CHL1: variants seen among roughly 807,000 people sequenced by gnomAD.
CHL1 encodes the protein cell adhesion molecule L1 like, also known as neural cell adhesion molecule L1-like protein.
Under a neutral mutation model 141.9 loss-of-function variants are expected in CHL1, and 96 were observed. The ratio of observed to expected loss-of-function variants is 0.68; its 90% CI spans 0.57 to 0.80. The LOEUF is 0.80. Among genes scored for constraint, CHL1 ranks in the 30% least tolerant of loss-of-function variants. The pLI is 0.00. For synonymous variants in CHL1, 613 were observed against 502.2 expected (o/e 1.22, Z -2.95); for missense variants, 1,820 against 1,457.2 (o/e 1.25, Z -4.05).
At chr3:209,038 A>G (rs570470742) in intron 1 of CHL1, among the ~76,000 whole-genome samples, 1 of 152,346 alleles carries the variant, frequency 6.6e-6, no homozygotes, top group South Asian at 2.1e-4. Context: ...GACTATAATG[A>G]GATGTCTCAG....
chr3:236,172 AGC>A (rs1691962054), intron 1 of CHL1, among the ~76,000 whole-genome samples: 1 of 152,190 alleles, frequency 6.6e-6, no homozygotes, highest in Non-Finnish European at 1.5e-5. Flanking sequence ...AATTGGCTAT[AGC>A]TGGTTTCCCA....
chr3:341,803 G>A, intron 6 of CHL1, 109 bp from the exon 7 acceptor site: 1 of 950,154 alleles, frequency 1.1e-6, no homozygotes, highest in South Asian at 2.4e-5. Context: ...GAATTAAAGA[G>A]CAAACAGGAA....
rs375944329 is a variant in CHL1 at position 205,458 on chromosome 3, T to C, written c.-175+8395T>C. Reference sequence around the variant, plus strand: ...GAAAAGAGCAACATTGTATAACTGATAGTGAATTGTTTTTTAAGGAAATCT... The same window carrying C: ...GAAAAGAGCAACATTGTATAACTGACAGTGAATTGTTTTTTAAGGAAATCT... On this transcript the variant is annotated intron_variant, in intron 1 of 27. Coordinates refer to ENST00000256509, the MANE Select transcript of CHL1 (RefSeq NM_006614.4). 3.9e-4 allele frequency among the ~76,000 whole-genome samples: 59 copies of C among 152,262 alleles called. 1 individual carries two copies. Among genetic ancestry groups the C allele is most frequent in the Middle Eastern group, 3.4e-3 (1 of 294 alleles).
In CHL1 at chr3:390,716, C is replaced by A; in HGVS notation, c.2486C>A (p.Pro829Gln). 1 of 1,589,294 alleles carries A rather than the reference C, an allele frequency of 6.3e-7. No individual in the cohort carries two copies. Among genetic ancestry groups the A allele is most frequent in the Non-Finnish European group, 8.6e-7 (1 of 1,157,426 alleles). The change falls in exon 21 of 28, where the codon CCA becomes CAA. Residue 829 changes from proline (P) to glutamine (Q), a missense_variant. By Grantham distance (76) the Pro-to-Gln change is moderately conservative (BLOSUM62 -1). Coordinates refer to ENST00000256509, the MANE Select transcript of CHL1 (RefSeq NM_006614.4). ...TGATTAACAGATCCTGATACAGCTC[C>A]AGTGATCCATGGGGTGGACGTTATA... ...YSGEDYPDTA[P>Q]VIHGVDVINS...
intron 2 of CHL1, among the ~76,000 whole-genome samples, chr3:279,241 C>T (rs1308596823): frequency 6.6e-6 from 1 of 152,140 alleles, no homozygotes; most frequent in Non-Finnish European, 1.5e-5. Context: ...AATGATTTCT[C>T]AATAGAGAAA....
Position 243,597 on chromosome 3 carries a change from G to A in CHL1, c.-174-1016G>A, listed in dbSNP as rs116757563. ...GGGTGGAATTCTTCTCAGTGTATTGGTGTGAGGTTCTCTCCGGAGGCATTG... is the reference window on the plus strand; with the variant it reads ...GGGTGGAATTCTTCTCAGTGTATTGATGTGAGGTTCTCTCCGGAGGCATTG... On this transcript the variant is annotated intron_variant, in intron 1 of 27. Transcript: ENST00000256509. Among the ~76,000 whole-genome samples, 700 of 152,256 alleles carry A rather than the reference G, an allele frequency of 4.6e-3. 8 individuals carry two copies. The highest frequency in any genetic ancestry group is 0.016 in the African/African-American group (664 of 41,544).
intron 15 of CHL1, among the ~76,000 whole-genome samples, chr3:367,163 C>G (rs1344934520): frequency 2.0e-5 from 3 of 152,244 alleles, no homozygotes; most frequent in Non-Finnish European, 4.4e-5. Flanking sequence ...AATGTCTACT[C>G]TCTTTTGAAA....
At chr3:316,959 C>T (rs778849882) in intron 2 of CHL1, among the ~76,000 whole-genome samples, 9 of 151,974 alleles carry the variant, frequency 5.9e-5, no homozygotes, top group Non-Finnish European at 7.4e-5. Context: ...TCCTAAGAAA[C>T]ATACCCTTTA....
At chr3:314,466 G>A (rs1700016825) in intron 2 of CHL1, among the ~76,000 whole-genome samples, 1 of 150,398 alleles carries the variant, frequency 6.6e-6, no homozygotes, top group African/African-American at 2.4e-5. Context: ...CCAAAACACT[G>A]ATTCAATAAA....
chr3:276,992 G>T (rs1696194054), intron 2 of CHL1, among the ~76,000 whole-genome samples: 1 of 149,582 alleles, frequency 6.7e-6, no homozygotes, highest in Admixed American at 6.7e-5. Flanking sequence ...CTTTTCAAAT[G>T]ACTTCTCTAT....
chr3:382,124 G>A, intron 16 of CHL1, 55 bp from the exon 17 acceptor site: 1 of 1,483,066 alleles, frequency 6.7e-7, no homozygotes, highest in Non-Finnish European at 9.4e-7. Flanking sequence ...GTCTGAGGAA[G>A]GGAATCAGGT....
At chr3:320,018 T>G in intron 3 of CHL1, 151 bp downstream of exon 3, 1 of 569,882 alleles carries the variant, frequency 1.8e-6, no homozygotes, top group Non-Finnish European at 3.0e-6. Context: ...ATCTATCTTT[T>G]TCGTTTTGTG....
intron 4 of CHL1, among the ~76,000 whole-genome samples, chr3:327,515 G>A (rs936420390): frequency 2.0e-5 from 3 of 151,762 alleles, no homozygotes; most frequent in African/African-American, 7.3e-5. Flanking sequence ...TAAGGAACTG[G>A]CATATTGAAA....
chr3:363,316 G>A lies in CHL1; in HGVS notation c.1518G>A (p.Gly506=), dbSNP rs375022202. Residue 506 remains glycine, a synonymous_variant, in exon 14 of 28, where the codon GGG becomes GGA. Coordinates refer to ENST00000256509, the MANE Select transcript of CHL1 (RefSeq NM_006614.4). ...ACAGAACCACCGAAGAAGATGCTGG[G>A]TCTTACTCATGTTGGGTAGAAAATG... is the stretch of plus-strand genomic sequence containing the variant. ...QINRTTEEDA[G]SYSCWVENAI... is the part of the protein sequence containing the mutation. 12 of 1,613,706 alleles carry A rather than the reference G, an allele frequency of 7.4e-6. No individual in the cohort carries two copies. The highest frequency in any genetic ancestry group is 2.2e-5 in the East Asian group (1 of 44,860).
At chr3:352,621 G>C (rs748645693) in intron 10 of CHL1, among the ~76,000 whole-genome samples, 1 of 152,120 alleles carries the variant, frequency 6.6e-6, no homozygotes, top group East Asian at 1.9e-4. Flanking sequence ...TAAGGCTCAA[G>C]AAGCAGCTGT....
chr3:219,548 T>G (rs574779636), intron 1 of CHL1, among the ~76,000 whole-genome samples: 1 of 152,298 alleles, frequency 6.6e-6, no homozygotes, highest in South Asian at 2.1e-4. Context: ...TGGACATGGA[T>G]GGAGCTGGAG....
chr3:365,839 C>A, intron 14 of CHL1, 111 bp from the exon 15 acceptor site: 1 of 707,246 alleles, frequency 1.4e-6, no homozygotes, highest in Non-Finnish European at 2.3e-6. Flanking sequence ...ACAAACCCTG[C>A]ATGAGGATTG....
intron 1 of CHL1, among the ~76,000 whole-genome samples, chr3:232,327 T>G (rs1042162430): frequency 8.5e-5 from 13 of 152,206 alleles, no homozygotes; most frequent in Admixed American, 4.6e-4. Flanking sequence ...TTCATTTTCA[T>G]TAACAATATT....
At chr3:319,990 T>C in intron 3 of CHL1, 123 bp downstream of exon 3, 1 of 608,070 alleles carries the variant, frequency 1.6e-6, no homozygotes, top group Non-Finnish European at 2.8e-6. Context: ...TCTTTAGCAA[T>C]CTGTCATGAG....
Sources: gnomAD v4.1 joint callset for allele counts (sites outside exome capture counted in the v4.1 genomes callset) on GRCh38, gnomAD v4.1.1 for gene constraint, MANE v1.5 for transcripts, NCBI Gene and HGNC (gene_info 2026-07-23, HGNC 2026-07-21) for gene names.